VTCN1: variants seen among roughly 807,000 people sequenced by gnomAD.
VTCN1 encodes V-set domain containing T cell activation inhibitor 1.
A neutral mutation model predicts 26.5 loss-of-function variants in VTCN1; 26 were observed. That is an observed-to-expected ratio of 0.98 (90% CI 0.72 to 1.36). VTCN1 has a LOEUF of 1.36. Among genes scored for constraint, VTCN1 ranks in the 40% most tolerant of loss-of-function variants. The pLI is 0.00. For synonymous variants in VTCN1, 116 were observed against 130.7 expected, an observed-to-expected ratio of 0.89 and a Z score of 0.77; for missense variants, 298 against 337.7, an observed-to-expected ratio of 0.88 and a Z score of 0.92.
rs1450842637 is a variant in VTCN1 at position 117,161,422 on chromosome 1, G to A, written c.98-4501C>T. Among the ~76,000 whole-genome samples, 1 of 152,160 alleles carries A rather than the reference G, an allele frequency of 6.6e-6. No individual in the cohort carries two copies. Among genetic ancestry groups the A allele is most frequent in the Non-Finnish European group, 1.5e-5 (1 of 68,020 alleles). On this transcript the variant is annotated intron_variant, in intron 2 of 5. Coordinates refer to ENST00000369458, the MANE Select transcript of VTCN1 (RefSeq NM_024626.4). This position sits in a 1 kb window ranked among gnomAD's most constrained non-coding sequence, Gnocchi z 4.3. The stretch of plus-strand genomic sequence containing the variant: ...TTTTAATTCACCAAAGGAAAAATTA[G>A]TAGATTCTCTCTTTACTTTCCTGTA...
chr1:117,195,049 T>C (rs1648441994), intron 1 of VTCN1, among the ~76,000 whole-genome samples: 1 of 148,860 alleles, frequency 6.7e-6, no homozygotes, highest in South Asian at 2.1e-4. Context: ...GTGGATCACC[T>C]GAGGTCAGGA....
intron 1 of VTCN1, among the ~76,000 whole-genome samples, chr1:117,200,298 G>T (rs1430516040): frequency 1.3e-5 from 2 of 152,144 alleles, no homozygotes; most frequent in African/African-American, 4.8e-5. Context: ...TACCTGGGAG[G>T]CTGAGTTGGG....
At chr1:117,204,230 C>G (rs1010779777) in intron 1 of VTCN1, among the ~76,000 whole-genome samples, 2 of 152,222 alleles carry the variant, frequency 1.3e-5, no homozygotes, top group African/African-American at 2.4e-5. Flanking sequence ...AGACGCTGCT[C>G]TGAGCTCTTT....
intron 1 of VTCN1, among the ~76,000 whole-genome samples, chr1:117,188,515 G>A (rs1003691991): frequency 1.1e-4 from 17 of 152,296 alleles, no homozygotes; most frequent in African/African-American, 4.1e-4. Context: ...ATTTCTATAT[G>A]TGCACTTTAA....
intron 1 of VTCN1, among the ~76,000 whole-genome samples, chr1:117,208,953 T>G (rs1183100563): frequency 6.6e-6 from 1 of 152,194 alleles, no homozygotes. Context: ...AAGGCCATTA[T>G]GACAAAGGAA....
intron 2 of VTCN1, among the ~76,000 whole-genome samples, chr1:117,162,839 G>C: frequency 6.6e-6 from 1 of 152,186 alleles, no homozygotes; most frequent in East Asian, 1.9e-4. Flanking sequence ...TGGGGGTATA[G>C]GTAACACAAG....
At chr1:117,207,702 C>T (rs537486309) in intron 1 of VTCN1, among the ~76,000 whole-genome samples, 1 of 152,266 alleles carries the variant, frequency 6.6e-6, no homozygotes, top group South Asian at 2.1e-4. Context: ...ACTAGCTCTC[C>T]TCTCTCTTCC....
At chr1:117,202,972 C>T (rs1648861740) in intron 1 of VTCN1, among the ~76,000 whole-genome samples, 1 of 152,078 alleles carries the variant, frequency 6.6e-6, no homozygotes, top group Non-Finnish European at 1.5e-5. Flanking sequence ...GGGTTGCATG[C>T]TGATGGGGAT....
intron 1 of VTCN1, among the ~76,000 whole-genome samples, chr1:117,194,603 TC>T (rs1267946682): frequency 6.6e-6 from 1 of 152,218 alleles, no homozygotes; most frequent in Admixed American, 6.5e-5. Context: ...ACAAGAGCCA[TC>T]ATATGGAAAC....
At chr1:117,201,018 T>C (rs1648759383) in intron 1 of VTCN1, among the ~76,000 whole-genome samples, 1 of 152,186 alleles carries the variant, frequency 6.6e-6, no homozygotes, top group Admixed American at 6.5e-5. Flanking sequence ...TGGACTGAAG[T>C]GATCTGCCCC....
At chr1:117,149,346 A>T (rs1044553427) in intron 4 of VTCN1, among the ~76,000 whole-genome samples, 1 of 151,836 alleles carries the variant, frequency 6.6e-6, no homozygotes, top group African/African-American at 2.4e-5. Context: ...CCTGGGTAGA[A>T]ATATCAAACC....
At chr1:117,184,616 C>G (rs1647844437) in intron 1 of VTCN1, among the ~76,000 whole-genome samples, 2 of 152,104 alleles carry the variant, frequency 1.3e-5, no homozygotes, top group South Asian at 4.1e-4. Flanking sequence ...TATTTCTGAG[C>G]TTCAGGGAAG....
chr1:117,149,103 TG>T (rs1013094245), intron 4 of VTCN1, among the ~76,000 whole-genome samples: 2 of 152,090 alleles, frequency 1.3e-5, no homozygotes, highest in Non-Finnish European at 2.9e-5. Flanking sequence ...ATGACACTGG[TG>T]GGGATCCCTT....
chr1:117,199,225 C>CGTCT (rs1553213429), intron 1 of VTCN1, among the ~76,000 whole-genome samples: 1 of 151,908 alleles, frequency 6.6e-6, no homozygotes, highest in Non-Finnish European at 1.5e-5. Flanking sequence ...ATTAAACAGA[C>CGTCT]TTAAGTCTAT....
chr1:117,171,396 A>G (rs1289166178), intron 1 of VTCN1, among the ~76,000 whole-genome samples: 1 of 152,178 alleles, frequency 6.6e-6, no homozygotes, highest in Non-Finnish European at 1.5e-5. Context: ...GTCAAATGGT[A>G]CTTCTGGTTC....
At chr1:117,202,725 A>G (rs1244782486) in intron 1 of VTCN1, among the ~76,000 whole-genome samples, 1 of 152,228 alleles carries the variant, frequency 6.6e-6, no homozygotes, top group African/African-American at 2.4e-5. Flanking sequence ...GATGGCCCAA[A>G]GTCTCACAGT....
Position 117,147,713 on chromosome 1 carries a change from AAAG to A in VTCN1, c.791_793del (p.Ser264del), listed in dbSNP as rs751451973. ...CAGAAGTGCCCAGCTGATGGCAAAG[AAAG>A]AAGAGACACACAGAGAAGCCTTTGA... On this transcript the variant is annotated inframe_deletion, in exon 5 of 6. Coordinates refer to ENST00000369458, the MANE Select transcript of VTCN1 (RefSeq NM_024626.4). This position sits in a 1 kb window ranked among gnomAD's most constrained non-coding sequence, Gnocchi z 4.6. 1.5e-5 allele frequency: 25 copies of A among 1,613,974 alleles called. No homozygotes were observed. Among genetic ancestry groups the A allele is most frequent in the Non-Finnish European group, 2.1e-5 (25 of 1,179,978 alleles).
In VTCN1 at chr1:117,167,946, AAGAG is replaced by A. The variant is rs1286986297; in HGVS notation, c.97+2157_97+2160del. Among the ~76,000 whole-genome samples, 5 of 152,112 alleles carry A rather than the reference AAGAG, an allele frequency of 3.3e-5. No individual in the cohort carries two copies. The highest frequency in any genetic ancestry group is 9.7e-5 in the African/African-American group (4 of 41,440). On this transcript the variant is annotated intron_variant, in intron 2 of 5. Transcript: ENST00000369458. The surrounding 1 kb of genome is among the most constrained non-coding windows in gnomAD (Gnocchi z 4.1). Reference sequence around the variant, plus strand: ...TATTTTAGTATATGAGAGAGAGAGAAAGAGAGAGCAGAAGAAAGAAAAAGAGAAA... The same window carrying A: ...TATTTTAGTATATGAGAGAGAGAGAAAGAGCAGAAGAAAGAAAAAGAGAAA...
chr1:117,166,199 C>T (rs2066397), intron 2 of VTCN1, among the ~76,000 whole-genome samples: 3,776 of 152,206 alleles, frequency 0.025, 101 homozygotes, highest in East Asian at 0.076. Flanking sequence ...AGGTGGCTGT[C>T]GCTATGCAAC....
Sources: gnomAD v4.1 joint callset for allele counts (sites outside exome capture counted in the v4.1 genomes callset) on GRCh38, gnomAD v4.1.1 for gene constraint, Gnocchi (gnomAD v3.1) non-coding constraint, MANE v1.5 for transcripts, NCBI Gene and HGNC (gene_info 2026-07-23, HGNC 2026-07-21) for gene names.